The following GCC2 variants were observed in gnomAD, a reference collection of about 807,000 sequenced individuals.
GCC2 encodes GRIP and coiled-coil domain containing 2, also known as GRIP and coiled-coil domain-containing protein 2.
A neutral mutation model predicts 210.6 loss-of-function variants in GCC2; 120 were observed. That is an observed-to-expected ratio of 0.57 (90% confidence interval 0.49 to 0.66). The LOEUF (loss-of-function observed/expected upper bound fraction) is 0.66. Among genes scored for constraint, GCC2 ranks in the 30% least tolerant of loss-of-function variants. The pLI is 0.00. For synonymous variants in GCC2, 703 were observed against 652.7 expected, an observed-to-expected ratio of 1.08 and a Z score of -1.17; for missense variants, 1,868 against 1,871.9, an observed-to-expected ratio of 1.00 and a Z score of 0.04.
chr2:108,471,979 G>A lies in GCC2; in HGVS notation c.2650G>A (p.Glu884Lys), dbSNP rs746562390. The A allele has an allele frequency of 2.3e-5, 37 of 1,603,740 alleles. 1 individual carries two copies. In the South Asian group the frequency reaches 3.8e-4, roughly 16 times the overall value. Residue 884 changes from glutamate to lysine, a missense_variant, in exon 6 of 23, where the codon GAA (glutamate) becomes AAA (lysine). Glu to Lys is a moderately conservative substitution (Grantham distance 56, BLOSUM62 1). Transcript: ENST00000309863. ...ENQNLLIQVE[E>K]VSQTCSKSEI... ...TCAGAATCTTTTAATTCAAGTTGAA[G>A]AAGTATCTCAAACATGTAGCAAAAG...
At chr2:108,485,271 T>G (rs1252098074) in intron 13 of GCC2, among the ~76,000 whole-genome samples, 1 of 150,584 alleles carries the variant, frequency 6.6e-6, no homozygotes, top group Non-Finnish European at 1.5e-5. Context: ...TGTATACATA[T>G]GTAACTAACC....
At chr2:108,449,871 A>G in intron 2 of GCC2, 182 bp downstream of exon 2, 1 of 589,418 alleles carries the variant, frequency 1.7e-6, no homozygotes. Context: ...ACCCCGATAT[A>G]GAAAGACTTT....
In GCC2 at chr2:108,471,672, T is replaced by C; in HGVS notation, c.2343T>C (p.Asn781=). The C allele has an allele frequency of 6.2e-7, 1 of 1,613,676 alleles. No homozygotes were observed. The highest frequency in any genetic ancestry group is 8.5e-7 in the Non-Finnish European group (1 of 1,179,652). Residue 781 remains asparagine (N), a synonymous_variant, in exon 6 of 23, where the codon AAT becomes AAC. Coordinates refer to ENST00000309863, the MANE Select transcript of GCC2 (RefSeq NM_181453.4). ...SEDSEEKDVV[N]VLQAVGESLA... ...ACAGTGAAGAGAAAGATGTTGTTAATGTCCTACAGGCAGTCGGTGAATCCT... is the reference window on the plus strand; with the variant it reads ...ACAGTGAAGAGAAAGATGTTGTTAACGTCCTACAGGCAGTCGGTGAATCCT...
Position 108,508,731 on chromosome 2 carries a change from CCTT to C in GCC2, c.*1102_*1104del, listed in dbSNP as rs1683334276. 1 of 152,544 alleles carries C rather than the reference CCTT, an allele frequency of 6.6e-6. No homozygotes were observed. The highest frequency in any genetic ancestry group is 2.4e-5 in the African/African-American group (1 of 41,438). 9.4% of individuals were successfully genotyped at this position (152,544 alleles called of 1,614,324 possible). A position where few individuals can be genotyped will look rare whatever the true frequency, so the allele number is the denominator to read the frequency against. ...ACATCGTCACAGTTCCTCCGAATAA[CCTT>C]AGGTGGTAGTGTTACTTGCCTTTGA... On this transcript the variant is annotated 3_prime_UTR_variant, in exon 23 of 23. Coordinates refer to ENST00000309863, the MANE Select transcript of GCC2 (RefSeq NM_181453.4).
At chr2:108,462,556 G>C (rs1197868071) in intron 4 of GCC2, 1 of 63,982 alleles carries the variant, frequency 1.6e-5, no homozygotes, top group African/African-American at 4.3e-5. Context: ...CAAAGACTTC[G>C]CTTCTTTTTT....
chr2:108,465,721 T>A (rs1350194920), intron 4 of GCC2, among the ~76,000 whole-genome samples: 2 of 152,234 alleles, frequency 1.3e-5, no homozygotes, highest in Non-Finnish European at 2.9e-5. Flanking sequence ...TTTGGATTGC[T>A]GGATTGAATG....
intron 4 of GCC2, among the ~76,000 whole-genome samples, chr2:108,464,082 T>C (rs1680741360): frequency 6.6e-6 from 1 of 151,544 alleles, no homozygotes; most frequent in Admixed American, 6.6e-5. Context: ...AGATGCCGGC[T>C]GTGGTTTATA....
At chr2:108,462,588 A>T (rs1680658458) in intron 4 of GCC2, 1 of 129,016 alleles carries the variant, frequency 7.8e-6, no homozygotes, top group Non-Finnish European at 1.6e-5. Flanking sequence ...TTTGAGACAG[A>T]GTCTTGCTCT....
chr2:108,503,975 G>T (rs780426314), intron 22 of GCC2, among the ~76,000 whole-genome samples: 1 of 152,086 alleles, frequency 6.6e-6, no homozygotes, highest in Non-Finnish European at 1.5e-5. Flanking sequence ...AGATCTGGTG[G>T]CATGTGTCCA....
intron 22 of GCC2, among the ~76,000 whole-genome samples, chr2:108,506,131 T>C (rs1312746034): frequency 3.3e-5 from 5 of 152,240 alleles, no homozygotes; most frequent in Admixed American, 6.5e-5. Flanking sequence ...TTATGTGGTA[T>C]ATGAATTATA....
At chr2:108,461,926 G>A (rs1163805125) in intron 4 of GCC2, among the ~76,000 whole-genome samples, 4 of 136,870 alleles carry the variant, frequency 2.9e-5, no homozygotes, top group African/African-American at 5.6e-5. Flanking sequence ...TCCGCCTCCC[G>A]GGTTCACGCC....
intron 2 of GCC2, 186 bp downstream of exon 2, chr2:108,449,875 A>G (rs1319217498): frequency 5.9e-6 from 3 of 508,570 alleles, no homozygotes; most frequent in South Asian, 2.3e-5. Context: ...CGATATAGAA[A>G]GACTTTTTGT....
Position 108,485,877 on chromosome 2 carries a change from A to G in GCC2, c.3761A>G (p.Glu1254Gly). 1 of 1,588,166 alleles carries G rather than the reference A, an allele frequency of 6.3e-7. No individual in the cohort carries two copies. Among genetic ancestry groups the G allele is most frequent in the East Asian group, 2.2e-5 (1 of 44,524 alleles). Residue 1254 changes from glutamate (E) to glycine (G), a missense_variant, in exon 15 of 23, where the codon GAG (glutamate) becomes GGG (glycine). Transcript: ENST00000309863. ...CAAGCATCTTTAAAAGGTGAGCTGG[A>G]GGCAAGCCAGCAGCAAGTAGAAGTC... ...ILQASLKGEL[E>G]ASQQQVEVYK...
chr2:108,471,279 A>G lies in GCC2; in HGVS notation c.1950A>G (p.Gly650=). The stretch of plus-strand genomic sequence containing the variant: ...AACAAAAGGTAAATGAATTAACAGG[A>G]GGACTAGAGGAGACTTTAAAAGAAA... The part of the protein sequence containing the change: ...ELEQKVNELT[G]GLEETLKEKD... The change falls in exon 6 of 23, where the codon GGA becomes GGG. Residue 650 remains glycine (G), a synonymous_variant. Transcript: ENST00000309863. The G allele has an allele frequency of 6.2e-7, 1 of 1,610,088 alleles. No homozygotes were observed. Among genetic ancestry groups the G allele is most frequent in the East Asian group, 2.2e-5 (1 of 44,768 alleles).
intron 7 of GCC2, 111 bp downstream of exon 7, chr2:108,473,010 C>A: frequency 1.7e-6 from 1 of 603,842 alleles, no homozygotes; most frequent in Non-Finnish European, 2.8e-6. Context: ...AAACACAGTT[C>A]GTAGCTGTCT....
chr2:108,498,377 C>T (rs1349326287), intron 21 of GCC2, among the ~76,000 whole-genome samples: 1 of 151,202 alleles, frequency 6.6e-6, no homozygotes, highest in African/African-American at 2.4e-5. Context: ...TTTTATTTTA[C>T]TAGAGGCATG....
At position 108,508,354 on chromosome 2, in the gene GCC2, TTAAAA is replaced by T; in HGVS notation, c.*729_*733del. 7.1e-6 allele frequency: 1 copy of T among 140,116 alleles called. No individual in the cohort carries two copies. Among genetic ancestry groups the T allele is most frequent in the African/African-American group, 2.6e-5 (1 of 38,304 alleles). The allele number at this position is 140,116 out of a possible 1,614,324, so 8.7% of individuals were successfully genotyped here. On this transcript the variant is annotated 3_prime_UTR_variant, in exon 23 of 23. Coordinates refer to ENST00000309863, the MANE Select transcript of GCC2 (RefSeq NM_181453.4). ...TTAAAATACAGTTTAGTTATTTGCT[TTAAAA>T]TAAACTCTTCTTTTTTTCTTTAAAG... is the stretch of plus-strand genomic sequence containing the variant.
At chr2:108,465,885 C>G (rs940175769) in intron 4 of GCC2, among the ~76,000 whole-genome samples, 2 of 152,176 alleles carry the variant, frequency 1.3e-5, no homozygotes, top group African/African-American at 2.4e-5. Flanking sequence ...AACGTAGTCT[C>G]TCTCTGTCGC....
Position 108,470,476 on chromosome 2 carries a change from T to G in GCC2, c.1147T>G (p.Leu383Val). The G allele has an allele frequency of 6.2e-7, 1 of 1,608,842 alleles. No homozygotes were observed. The change falls in exon 6 of 23, where the codon TTA (leucine) becomes GTA (valine). Residue 383 changes from leucine (L) to valine (V), a missense_variant. By Grantham distance (32) the Leu-to-Val change is conservative. Around this residue, in one of 3 missense-constraint regions of GCC2, gnomAD observed 1,847 missense variants for 1,765.2 expected, o/e 1.05. Coordinates refer to ENST00000309863, the MANE Select transcript of GCC2 (RefSeq NM_181453.4). The stretch of plus-strand genomic sequence containing the variant: ...TGAGTTTTTTCATGAACGGGAAGAC[T>G]TAGAGTTTAAAATTAATGAATTATT... ...KDEFFHEREDLEFKINELLLA... is the reference protein window; with the variant it reads ...KDEFFHEREDVEFKINELLLA...
Sources: gnomAD v4.1 joint callset for allele counts (sites outside exome capture counted in the v4.1 genomes callset) on GRCh38, gnomAD v4.1.1 for gene constraint, gnomAD v4.1.1 regional missense constraint, MANE v1.5 for transcripts, NCBI Gene and HGNC (gene_info 2026-07-23, HGNC 2026-07-21) for gene names.